WDR45B: variants seen among roughly 807,000 people sequenced by gnomAD.
The protein encoded by WDR45B is WD repeat domain 45B.
In WDR45B, 20 loss-of-function variants were observed where a neutral mutation model predicts 44.6. That is an observed-to-expected ratio of 0.45 (90% CI 0.32 to 0.65). WDR45B has a LOEUF of 0.65. Ranked by LOEUF, WDR45B falls within the 30% of genes least tolerant of loss-of-function variation. The pLI, the probability that WDR45B is intolerant of heterozygous loss-of-function variation, is 0.05. For missense variants in WDR45B, 323 were observed against 430.2 expected (o/e 0.75, Z 2.20); for synonymous variants, 169 against 164.9 (o/e 1.02, Z -0.19).
At position 82,648,412 on chromosome 17, in the gene WDR45B, C is replaced by T; in HGVS notation, c.-72G>A. 13 of 1,554,914 alleles carry T rather than the reference C, an allele frequency of 8.4e-6. No homozygotes were observed. The highest frequency in any genetic ancestry group is 1.1e-5 in the Non-Finnish European group (13 of 1,150,914). On this transcript the variant is annotated 5_prime_UTR_variant, in exon 1 of 10. Transcript: ENST00000392325. ...GCTGGGGACGGCGGCCTGGTCCCTT[C>T]GGGCCGGCGCTGAGGCCGCCGCGGC... is the stretch of plus-strand genomic sequence containing the variant.
At chr17:82,624,293 ACT>A (rs2045661881) in intron 5 of WDR45B, among the ~76,000 whole-genome samples, 1 of 151,884 alleles carries the variant, frequency 6.6e-6, no homozygotes. Flanking sequence ...CTTTAGTCTC[ACT>A]CTGTCGCCCA....
In WDR45B at chr17:82,646,380, G is replaced by C. The variant is rs191549894; in HGVS notation, c.67+1894C>G. On this transcript the variant is annotated intron_variant, in intron 1 of 9. Coordinates refer to ENST00000392325, the MANE Select transcript of WDR45B (RefSeq NM_019613.4). ...TGCATGCCTGTAATCTCAGCTACTC[G>C]GGAGGCTGAGACAGGAGAATTGCTT... 8.2e-4 allele frequency among the ~76,000 whole-genome samples: 123 copies of C among 150,354 alleles called. 1 individual carries two copies. In the East Asian group the frequency reaches 0.02, roughly 24 times the overall value.
At position 82,647,796 on chromosome 17, in the gene WDR45B, G is replaced by T. The variant is rs12449612; in HGVS notation, c.67+478C>A. 1.1e-3 allele frequency among the ~76,000 whole-genome samples: 161 copies of T among 152,026 alleles called. 1 individual carries two copies. Among genetic ancestry groups the T allele is most frequent in the Non-Finnish European group, 1.8e-3 (123 of 67,988 alleles). On this transcript the variant is annotated intron_variant, in intron 1 of 9. Transcript: ENST00000392325. The stretch of plus-strand genomic sequence containing the variant: ...CCCAAGCGAAGTCAGCTCAGCCACG[G>T]GCTACCTACTAAAGACCCTGAAAGG...
Position 82,643,674 on chromosome 17 carries a change from G to A in WDR45B, c.142+275C>T, listed in dbSNP as rs141633470. Among the ~76,000 whole-genome samples, 181 of 152,288 alleles carry A rather than the reference G, an allele frequency of 1.2e-3. 1 individual carries two copies. Among genetic ancestry groups the A allele is most frequent in the African/African-American group, 4.2e-3 (176 of 41,550 alleles). On this transcript the variant is annotated intron_variant, in intron 2 of 9. Coordinates refer to ENST00000392325, the MANE Select transcript of WDR45B (RefSeq NM_019613.4). Reference sequence around the variant, plus strand: ...GAGGTTTCTGCTGCCAAAAATCCCTGATGTGACAGGAAAAGGCACAAGAAG... The same window carrying A: ...GAGGTTTCTGCTGCCAAAAATCCCTAATGTGACAGGAAAAGGCACAAGAAG...
intron 2 of WDR45B, among the ~76,000 whole-genome samples, chr17:82,637,785 C>T (rs1646685984): frequency 1.3e-5 from 2 of 151,932 alleles, no homozygotes; most frequent in South Asian, 4.1e-4. Flanking sequence ...CTCTGAACCC[C>T]GTCTCCTTGG....
chr17:82,626,533 CAAAAAAAAA>C (rs562186058), intron 4 of WDR45B, among the ~76,000 whole-genome samples: 34,111 of 80,960 alleles, frequency 0.42, 5,490 homozygotes, highest in South Asian at 0.53. Context: ...CTCTATCTCC[CAAAAAAAAA>C]AAAAAAAAAA....
intron 3 of WDR45B, among the ~76,000 whole-genome samples, chr17:82,628,017 GGGTCTCATTCTCTC>G (rs765335856): frequency 3.0e-4 from 45 of 152,198 alleles, no homozygotes; most frequent in Non-Finnish European, 1.0e-4. Flanking sequence ...TTTTGAGACA[GGGTCTCATTCTCTC>G]GCCCAGGCTG....
At chr17:82,627,340 C>A (rs371721392) in intron 3 of WDR45B, 49 bp from the exon 4 acceptor site, 266 of 1,473,530 alleles carry the variant, frequency 1.8e-4, no homozygotes, top group Non-Finnish European at 2.3e-4. Context: ...CAGGCCATGG[C>A]GCTGGGATGC....
At chr17:82,637,380 T>C (rs1198679522) in intron 2 of WDR45B, among the ~76,000 whole-genome samples, 2 of 151,968 alleles carry the variant, frequency 1.3e-5, no homozygotes, top group African/African-American at 2.4e-5. Flanking sequence ...CCTCTAATCA[T>C]GGTCTCTATT....
intron 2 of WDR45B, among the ~76,000 whole-genome samples, chr17:82,636,947 G>A (rs1166120955): frequency 1.3e-5 from 2 of 151,944 alleles, no homozygotes; most frequent in East Asian, 3.9e-4. Flanking sequence ...AGATTGTGCA[G>A]TCCGACCCCA....
chr17:82,648,252 C>A (rs763508568), intron 1 of WDR45B, 22 bp downstream of exon 1: 4 of 1,599,586 alleles, frequency 2.5e-6, no homozygotes, highest in Non-Finnish European at 3.4e-6. Flanking sequence ...CCGGGCAAGG[C>A]GACAGGGCCG....
chr17:82,629,969 C>T, intron 3 of WDR45B: 38 of 964,560 alleles, frequency 3.9e-5, no homozygotes, highest in Non-Finnish European at 4.6e-5. Flanking sequence ...TCCTCACCTC[C>T]TCCCACCCTA....
rs757465492 is a variant in WDR45B at position 82,648,371 on chromosome 17, G to C, written c.-31C>G. On this transcript the variant is annotated 5_prime_UTR_variant, in exon 1 of 10. Coordinates refer to ENST00000392325, the MANE Select transcript of WDR45B (RefSeq NM_019613.4). ...CGCCGTGCTGGGTCGCCGCTCCTCA[G>C]CGCTGCATGCCTCTCGCTGGGGACG... 3 of 1,600,396 alleles carry C rather than the reference G, an allele frequency of 1.9e-6. No individual in the cohort carries two copies. The highest frequency in any genetic ancestry group is 1.1e-5 in the South Asian group (1 of 89,410).
chr17:82,635,120 C>T (rs533103834), intron 2 of WDR45B, among the ~76,000 whole-genome samples: 129 of 151,966 alleles, frequency 8.5e-4, no homozygotes, highest in African/African-American at 3.1e-3. Flanking sequence ...CTGATCTATG[C>T]GCTTAAAAAT....
At chr17:82,633,113 G>C (rs2045789356) in intron 2 of WDR45B, among the ~76,000 whole-genome samples, 1 of 147,090 alleles carries the variant, frequency 6.8e-6, no homozygotes, top group African/African-American at 2.5e-5. Flanking sequence ...CAGTGAGCAA[G>C]GATTGCACCA....
At chr17:82,641,890 A>G (rs1399218281) in intron 2 of WDR45B, among the ~76,000 whole-genome samples, 8 of 152,022 alleles carry the variant, frequency 5.3e-5, no homozygotes, top group African/African-American at 1.9e-4. Flanking sequence ...AGAGCGAGAC[A>G]ACGTCAGAGA....
intron 3 of WDR45B, 64 bp downstream of exon 3, chr17:82,630,857 C>A: frequency 1.4e-6 from 2 of 1,438,432 alleles, no homozygotes; most frequent in South Asian, 2.3e-5. Context: ...CAAACATAAA[C>A]GCATTCAAAA....
At chr17:82,623,224 T>TA (rs1457748510) in intron 5 of WDR45B, among the ~76,000 whole-genome samples, 1 of 151,556 alleles carries the variant, frequency 6.6e-6, no homozygotes, top group Non-Finnish European at 1.5e-5. Context: ...CCGTCTCTAC[T>TA]AAAAATACAG....
At chr17:82,639,155 T>C (rs2045876948) in intron 2 of WDR45B, among the ~76,000 whole-genome samples, 1 of 152,004 alleles carries the variant, frequency 6.6e-6, no homozygotes, top group African/African-American at 2.4e-5. Flanking sequence ...AGATATTTTG[T>C]TCCTATAACA....
Sources: gnomAD v4.1 joint callset for allele counts (sites outside exome capture counted in the v4.1 genomes callset) on GRCh38, gnomAD v4.1.1 for gene constraint, MANE v1.5 for transcripts, NCBI Gene and HGNC (gene_info 2026-07-23, HGNC 2026-07-21) for gene names.